The following DISC1 variants were observed in gnomAD, a reference collection of about 807,000 sequenced individuals.
DISC1 encodes the protein DISC1 scaffold protein.
In DISC1, 57 loss-of-function variants were observed where a neutral mutation model predicts 84.5. The observed-to-expected ratio is 0.67, with a 90% CI of 0.55 to 0.84. The LOEUF is 0.84. Ranked by LOEUF, DISC1 falls within the 40% of genes least tolerant of loss-of-function variation. The probability of loss-of-function intolerance (pLI) is 0.00; values close to 1 mark genes in which losing one functional copy is unlikely to be tolerated. For missense variants in DISC1, 1,000 were observed against 1,057.8 expected (o/e 0.95, Z 0.76); for synonymous variants, 411 against 415.2 (o/e 0.99, Z 0.12).
rs1471804200 is a variant in DISC1 at position 231,708,112 on chromosome 1, A to C, written c.1117+6088A>C. ...GGGTGGACTTGTGGACTTAATTTTAAGTGTCAACTTGATTGGATTAAGGAA... is the reference window on the plus strand; with the variant it reads ...GGGTGGACTTGTGGACTTAATTTTACGTGTCAACTTGATTGGATTAAGGAA... On this transcript the variant is annotated intron_variant, in intron 3 of 12. Transcript: ENST00000439617. Among the ~76,000 whole-genome samples, 5 of 152,338 alleles carry C rather than the reference A, an allele frequency of 3.3e-5. No individual in the cohort carries two copies. The East Asian group carries it at 9.6e-4, about 29-fold the overall frequency.
At chr1:231,793,658 C>G (rs1450174987) in intron 6 of DISC1, among the ~76,000 whole-genome samples, 7 of 152,104 alleles carry the variant, frequency 4.6e-5, no homozygotes, top group African/African-American at 1.7e-4. Flanking sequence ...TCTCATAGTG[C>G]AGCCCAATTA....
At chr1:231,813,781 T>C (rs995182114) in intron 8 of DISC1, among the ~76,000 whole-genome samples, 23 of 152,212 alleles carry the variant, frequency 1.5e-4, no homozygotes, top group Admixed American at 1.4e-3. Context: ...GGGACTCTTA[T>C]ATTCTTCCCT....
chr1:231,659,233 A>G (rs1335092950), intron 1 of DISC1, among the ~76,000 whole-genome samples: 1 of 152,044 alleles, frequency 6.6e-6, no homozygotes, highest in Non-Finnish European at 1.5e-5. Context: ...CTAGGAATTT[A>G]TCCATTTCTT....
chr1:231,714,672 G>T (rs1175443128), intron 3 of DISC1, among the ~76,000 whole-genome samples: 1 of 150,358 alleles, frequency 6.7e-6, no homozygotes, highest in Non-Finnish European at 1.5e-5. Flanking sequence ...GGAGAGACAG[G>T]CAGAGAAGAG....
At chr1:231,973,711 G>A (rs998669803) in intron 10 of DISC1, among the ~76,000 whole-genome samples, 10 of 152,182 alleles carry the variant, frequency 6.6e-5, no homozygotes, top group African/African-American at 2.2e-4. Flanking sequence ...CCCTCCGCAT[G>A]CCCAAACAGT....
At chr1:231,759,190 A>G (rs538820132) in intron 4 of DISC1, among the ~76,000 whole-genome samples, 2 of 152,172 alleles carry the variant, frequency 1.3e-5, no homozygotes, top group African/African-American at 2.4e-5. Flanking sequence ...TTGCTCCTCA[A>G]TTGCCTTTGA....
intron 9 of DISC1, among the ~76,000 whole-genome samples, chr1:231,935,970 A>G (rs931418964): frequency 3.3e-5 from 5 of 152,152 alleles, no homozygotes; most frequent in South Asian, 4.1e-4. Context: ...TGGTTCCTGT[A>G]TTCTTCCCAA....
chr1:231,849,371 C>T (rs754346514), intron 9 of DISC1, among the ~76,000 whole-genome samples: 14 of 152,122 alleles, frequency 9.2e-5, no homozygotes, highest in Middle Eastern at 3.2e-3. Flanking sequence ...CCATCCACCT[C>T]GGCCTCCCAA....
intron 6 of DISC1, among the ~76,000 whole-genome samples, chr1:231,774,012 C>T (rs1283927554): frequency 6.6e-6 from 1 of 151,952 alleles, no homozygotes; most frequent in African/African-American, 2.4e-5. Context: ...CCTATAATCC[C>T]AGCACTTTGG....
intron 1 of DISC1, among the ~76,000 whole-genome samples, chr1:231,693,167 G>C (rs760401858): frequency 6.6e-6 from 1 of 152,198 alleles, no homozygotes; most frequent in Non-Finnish European, 1.5e-5. Flanking sequence ...AGTCAATGAG[G>C]AGTCAGCATT....
At chr1:231,654,293 C>CA (rs982238906) in intron 1 of DISC1, among the ~76,000 whole-genome samples, 2 of 150,962 alleles carry the variant, frequency 1.3e-5, no homozygotes, top group African/African-American at 4.9e-5. Flanking sequence ...ACATTTATGT[C>CA]AAAAATTTGA....
At chr1:231,992,084 C>G (rs1227545139) in intron 10 of DISC1, among the ~76,000 whole-genome samples, 1 of 152,124 alleles carries the variant, frequency 6.6e-6, no homozygotes, top group Non-Finnish European at 1.5e-5. Flanking sequence ...TTATATGTCT[C>G]TTTTACCTTG....
At chr1:232,022,874 G>C (rs750567819) in intron 11 of DISC1, among the ~76,000 whole-genome samples, 1 of 152,156 alleles carries the variant, frequency 6.6e-6, no homozygotes, top group Non-Finnish European at 1.5e-5. Flanking sequence ...AACAAGTAGA[G>C]GTTCCTGCAC....
intron 9 of DISC1, among the ~76,000 whole-genome samples, chr1:231,907,323 C>A (rs1025234583): frequency 4.6e-5 from 7 of 151,604 alleles, no homozygotes; most frequent in African/African-American, 1.7e-4. Flanking sequence ...CCACTCCCCC[C>A]ACCCCACAAC....
rs1184755323 is a variant in DISC1, at chr1:231,826,855, G to A, written c.1981+8338G>A. 6.6e-6 allele frequency among the ~76,000 whole-genome samples: 1 copy of A among 152,200 alleles called. No homozygotes were observed. Among genetic ancestry groups the A allele is most frequent in the African/African-American group, 2.4e-5 (1 of 41,446 alleles). On this transcript the variant is annotated intron_variant, in intron 9 of 12. Transcript: ENST00000439617. The surrounding 1 kb of genome is among the most constrained non-coding windows in gnomAD (Gnocchi z 4.2). ...ACATTACTCAGTTCCTGGTAAAGAA[G>A]TAGTTAGAAGCCCTGTTTGCTTTTA...
chr1:232,012,345 C>T (rs974066444), intron 11 of DISC1, among the ~76,000 whole-genome samples: 1 of 152,174 alleles, frequency 6.6e-6, no homozygotes, highest in Non-Finnish European at 1.5e-5. Flanking sequence ...CGAAGGAAAA[C>T]TCCCGTTTGT....
chr1:231,974,944 C>CA lies in DISC1; in HGVS notation c.2042+16062dup, dbSNP rs1558798680. 4.6e-5 allele frequency among the ~76,000 whole-genome samples: 7 copies of CA among 151,988 alleles called. No homozygotes were observed. The South Asian group carries it at 1.5e-3, about 32-fold the overall frequency. On this transcript the variant is annotated intron_variant, in intron 10 of 12. Coordinates refer to ENST00000439617, the MANE Select transcript of DISC1 (RefSeq NM_018662.3). ...TGAAACCCCGTCTCCACTAAAAATA[C>CA]AAAAAATTAGCTGGGCGTGGTGGCA...
intron 9 of DISC1, among the ~76,000 whole-genome samples, chr1:231,937,250 A>G (rs2091036846): frequency 6.6e-6 from 1 of 152,222 alleles, no homozygotes; most frequent in Admixed American, 6.5e-5. Flanking sequence ...TTTTAAGCCA[A>G]TAATTTTATA....
At chr1:231,937,310 G>A (rs541880139) in intron 9 of DISC1, among the ~76,000 whole-genome samples, 13 of 152,194 alleles carry the variant, frequency 8.5e-5, no homozygotes, top group South Asian at 2.1e-4. Flanking sequence ...CCATTCCGGT[G>A]TCAAGCCTAA....
Sources: gnomAD v4.1 joint callset for allele counts (sites outside exome capture counted in the v4.1 genomes callset) on GRCh38, gnomAD v4.1.1 for gene constraint, Gnocchi (gnomAD v3.1) non-coding constraint, MANE v1.5 for transcripts, NCBI Gene and HGNC (gene_info 2026-07-23, HGNC 2026-07-21) for gene names.